The following SKAP2 variants were observed in gnomAD, a reference collection of about 807,000 sequenced individuals.
SKAP2 encodes the protein src kinase associated phosphoprotein 2, also known as src kinase-associated phosphoprotein 2.
A neutral mutation model predicts 54.9 loss-of-function variants in SKAP2; 28 were observed. That is an observed-to-expected ratio of 0.51 (90% CI 0.38 to 0.70). The LOEUF (loss-of-function observed/expected upper bound fraction) is 0.70, where lower values mean the gene tolerates loss of function less well. Among genes scored for constraint, SKAP2 ranks in the 30% least tolerant of loss-of-function variants. The pLI, the probability that SKAP2 is intolerant of heterozygous loss-of-function variation, is 0.00. For synonymous variants in SKAP2, 137 were observed against 134.3 expected (o/e 1.02, Z -0.14); for missense variants, 356 against 424.1 (o/e 0.84, Z 1.41).
At chr7:26,713,042 C>T (rs1787343929) in intron 9 of SKAP2, among the ~76,000 whole-genome samples, 1 of 152,150 alleles carries the variant, frequency 6.6e-6, no homozygotes, top group African/African-American at 2.4e-5. Context: ...TCTAGGAAGG[C>T]CCTGCTTAAC....
intron 4 of SKAP2, among the ~76,000 whole-genome samples, chr7:26,824,371 C>A (rs1366390905): frequency 6.6e-6 from 1 of 152,052 alleles, no homozygotes; most frequent in Non-Finnish European, 1.5e-5. Context: ...GAGGGTGCAT[C>A]CTTTTTAAAG....
At chr7:26,742,545 A>T (rs1782475706) in intron 4 of SKAP2, 1 of 152,150 alleles carries the variant, frequency 6.6e-6, no homozygotes, top group Non-Finnish European at 1.5e-5. Flanking sequence ...CATCACAATA[A>T]AATTTGATGT....
At chr7:26,728,000 T>C (rs1787743400) in intron 6 of SKAP2, among the ~76,000 whole-genome samples, 1 of 152,128 alleles carries the variant, frequency 6.6e-6, no homozygotes, top group African/African-American at 2.4e-5. Flanking sequence ...ACATCTCCTT[T>C]TCTTAAATAC....
intron 9 of SKAP2, among the ~76,000 whole-genome samples, chr7:26,698,431 G>C (rs539303949): frequency 5.9e-5 from 9 of 152,322 alleles, no homozygotes; most frequent in Admixed American, 2.0e-4. Flanking sequence ...GCAGAGCAAT[G>C]ATGGGTAAAA....
chr7:26,815,223 A>C (rs887376650), intron 4 of SKAP2, among the ~76,000 whole-genome samples: 1 of 152,112 alleles, frequency 6.6e-6, no homozygotes, highest in African/African-American at 2.4e-5. Flanking sequence ...CAGGATTTTA[A>C]ATGCAAATTC....
chr7:26,674,403 C>G (rs1222799818), intron 11 of SKAP2, among the ~76,000 whole-genome samples: 1 of 152,136 alleles, frequency 6.6e-6, no homozygotes, highest in Admixed American at 6.6e-5. Context: ...CCTCTTTAGT[C>G]TCTTTTTTAT....
At chr7:26,658,641 T>A in the SKAP2 span, among the ~76,000 whole-genome samples, 5 of 152,276 alleles carry the variant, frequency 3.3e-5, no homozygotes. Flanking sequence ...TTTCTTTGTT[T>A]GGCTTCTACA....
At chr7:26,845,943 T>A (rs1472230654) in intron 3 of SKAP2, among the ~76,000 whole-genome samples, 1 of 151,942 alleles carries the variant, frequency 6.6e-6, no homozygotes, top group East Asian at 1.9e-4. Flanking sequence ...AAAAAAAAAT[T>A]TTTTTAACAA....
chr7:26,721,116 G>A (rs927036473), intron 9 of SKAP2, among the ~76,000 whole-genome samples: 1 of 152,166 alleles, frequency 6.6e-6, no homozygotes, highest in African/African-American at 2.4e-5. Flanking sequence ...TCTTTCCATT[G>A]CATTCCAAAG....
chr7:26,836,121 G>A (rs1171906865), intron 4 of SKAP2, among the ~76,000 whole-genome samples: 1 of 152,148 alleles, frequency 6.6e-6, no homozygotes, highest in Non-Finnish European at 1.5e-5. Context: ...AAATGCTGTT[G>A]GGAAAACTGG....
chr7:26,664,728 GAAAAA>G (rs372243207), downstream of SKAP2, among the ~76,000 whole-genome samples: 1 of 111,104 alleles, frequency 9.0e-6, no homozygotes, highest in Admixed American at 9.4e-5. Context: ...AAACTGAAAA[GAAAAA>G]AAAAAAAAAA....
At position 26,677,394 on chromosome 7, in the gene SKAP2, T is replaced by TAAAAAAAAAAAAAAA. The variant is rs1322136047; in HGVS notation, c.988-7217_988-7203dup. On this transcript the variant is annotated intron_variant, in intron 11 of 12. Transcript: ENST00000345317. ...GTGACAGAGCAAGACTCTGTCTCAA[T>TAAAAAAAAAAAAAAA]AAAAAAAAAAAAAAAAAAAAAGAAG... Among the ~76,000 whole-genome samples, 26 of 72,932 alleles carry TAAAAAAAAAAAAAAA rather than the reference T, an allele frequency of 3.6e-4. 1 individual carries two copies. The highest frequency in any genetic ancestry group is 1.4e-3 in the African/African-American group (25 of 18,476). 47.8% of individuals were successfully genotyped at this position (72,932 alleles called of 152,430 possible).
chr7:26,837,579 G>A (rs1784741087), intron 4 of SKAP2, among the ~76,000 whole-genome samples: 1 of 152,100 alleles, frequency 6.6e-6, no homozygotes, highest in African/African-American at 2.4e-5. Flanking sequence ...ATAGCACGAG[G>A]CCATGAGGGA....
At chr7:26,658,838 A>C in the SKAP2 span, among the ~76,000 whole-genome samples, 3 of 136,916 alleles carry the variant, frequency 2.2e-5, no homozygotes, top group East Asian at 2.5e-4. Context: ...CCACCCCCCC[A>C]CCAACTCCAA....
chr7:26,715,527 A>T (rs1787411949), intron 9 of SKAP2, among the ~76,000 whole-genome samples: 1 of 152,146 alleles, frequency 6.6e-6, no homozygotes. Context: ...CTGTAATCGC[A>T]GCACTTTGGA....
At chr7:26,825,766 A>G (rs1414750014) in intron 4 of SKAP2, among the ~76,000 whole-genome samples, 1 of 152,200 alleles carries the variant, frequency 6.6e-6, no homozygotes, top group Non-Finnish European at 1.5e-5. Context: ...AAAATTTAGC[A>G]TGCTAAATAA....
In SKAP2 at chr7:26,708,742, C is replaced by G. The variant is rs147335274; in HGVS notation, c.796+16686G>C. Among the ~76,000 whole-genome samples the G allele has an allele frequency of 3.3e-5, 5 of 152,122 alleles. No individual in the cohort carries two copies. In the South Asian group the frequency reaches 1.0e-3, roughly 32 times the overall value. ...TCTTTGTTCTTTATCAGTCTCTCTT[C>G]GGCCTCTTTTCATAACCATTTCTTA... On this transcript the variant is annotated intron_variant, in intron 9 of 12. Coordinates refer to ENST00000345317, the MANE Select transcript of SKAP2 (RefSeq NM_003930.5).
At chr7:26,826,618 C>A (rs912088053) in intron 4 of SKAP2, among the ~76,000 whole-genome samples, 5 of 152,166 alleles carry the variant, frequency 3.3e-5, no homozygotes, top group African/African-American at 1.2e-4. Flanking sequence ...GTTCAAATGC[C>A]ATTAATGTTA....
chr7:26,707,402 C>T (rs188759740), intron 9 of SKAP2, among the ~76,000 whole-genome samples: 1 of 151,960 alleles, frequency 6.6e-6, no homozygotes, highest in Non-Finnish European at 1.5e-5. Context: ...TTATAAAGCC[C>T]CTTAGTACAT....
Sources: allele counts gnomAD v4.1 joint callset (sites outside exome capture counted in the v4.1 genomes callset), GRCh38; gene constraint gnomAD v4.1.1; transcripts MANE v1.5; gene names NCBI Gene and HGNC (gene_info 2026-07-23, HGNC 2026-07-21).